CCT6A: variants seen among roughly 807,000 people sequenced by gnomAD.
CCT6A encodes chaperonin containing TCP1 subunit 6A, also known as T-complex protein 1 subunit zeta.
In CCT6A, 6 loss-of-function variants were observed where a neutral mutation model predicts 58.6. The observed-to-expected ratio is 0.10, with a 90% CI of 0.06 to 0.20. The LOEUF is 0.20. Among genes scored for constraint, CCT6A ranks in the 10% least tolerant of loss-of-function variants. The pLI is 1.00. For missense variants in CCT6A, 516 were observed against 648.8 expected, an observed-to-expected ratio of 0.80 and a Z score of 2.22; for synonymous variants, 245 against 227.8, an observed-to-expected ratio of 1.08 and a Z score of -0.68.
At position 56,060,800 on chromosome 7, in the gene CCT6A, C is replaced by T. The variant is rs755863766; in HGVS notation, c.1214-7C>T. 15 of 1,602,394 alleles carry T rather than the reference C, an allele frequency of 9.4e-6. No individual in the cohort carries two copies. Among genetic ancestry groups the T allele is most frequent in the Non-Finnish European group, 1.1e-5 (13 of 1,177,290 alleles). ...CTTAGCATTTTTCCTTTTCCCCCAT[C>T]CAACAGGCTGTGTGGTTCCAGGTGC... is the stretch of plus-strand genomic sequence containing the variant. On this transcript the variant is annotated splice_region_variant and splice_polypyrimidine_tract_variant and intron_variant, in intron 10 of 13. Coordinates refer to ENST00000275603, the MANE Select transcript of CCT6A (RefSeq NM_001762.4).
chr7:56,057,987 A>G lies in CCT6A; in HGVS notation c.615-6A>G. 6.5e-7 allele frequency: 1 copy of G among 1,548,118 alleles called. No homozygotes were observed. The highest frequency in any genetic ancestry group is 1.1e-5 in the South Asian group (1 of 89,674). On this transcript the variant is annotated splice_polypyrimidine_tract_variant and splice_region_variant and intron_variant, in intron 5 of 13. Transcript: ENST00000275603. ...AATAACCATAATTTTGTGTGTGTTTAAACAGCTTAATCAGAGGGCTTGTTT... is the reference window on the plus strand; with the variant it reads ...AATAACCATAATTTTGTGTGTGTTTGAACAGCTTAATCAGAGGGCTTGTTT...
intron 2 of CCT6A, among the ~76,000 whole-genome samples, chr7:56,053,659 C>A (rs1226932409): frequency 2.0e-5 from 3 of 152,076 alleles, no homozygotes; most frequent in Non-Finnish European, 2.9e-5. Context: ...GAGGCTGAGG[C>A]AGGAGAATCG....
At chr7:56,057,061 C>T (rs55863006) in intron 5 of CCT6A, among the ~76,000 whole-genome samples, 27,439 of 152,020 alleles carry the variant, frequency 0.18, 2,789 homozygotes, top group Admixed American at 0.24. Context: ...TCCCAAAGTG[C>T]TGGGATTACA....
chr7:56,052,376 A>G (rs1240990353), intron 1 of CCT6A, 46 bp from the exon 2 acceptor site: 2 of 1,553,394 alleles, frequency 1.3e-6, no homozygotes, highest in Admixed American at 1.7e-5. Context: ...ACTTTTAGTT[A>G]TCGTTGAAAA....
In CCT6A at chr7:56,058,376, G is replaced by C. The variant is rs755602388; in HGVS notation, c.740G>C (p.Gly247Ala). Reference sequence around the variant, plus strand: ...TTTCTTAATAGAGAAGTGAATTCTGGCTTTTTTTACAAGAGTGCAGAAGAG... The same window carrying C: ...TTTCTTAATAGAGAAGTGAATTCTGCCTTTTTTTACAAGAGTGCAGAAGAG... ...LEYEKTEVNSGFFYKSAEERE... is the reference protein window; with the variant it reads ...LEYEKTEVNSAFFYKSAEERE... Residue 247 changes from glycine (G) to alanine (A), a missense_variant, in exon 7 of 14, where the codon GGC becomes GCC. This residue lies in a region of CCT6A where 315 missense variants were observed against 389.4 expected (regional missense o/e 0.81). Coordinates refer to ENST00000275603, the MANE Select transcript of CCT6A (RefSeq NM_001762.4). 15 of 1,571,652 alleles carry C rather than the reference G, an allele frequency of 9.5e-6. No homozygotes were observed. The highest frequency in any genetic ancestry group is 1.3e-5 in the Non-Finnish European group (15 of 1,167,802).
At chr7:56,060,165 T>A in intron 9 of CCT6A, 104 bp from the exon 10 acceptor site, 2 of 967,414 alleles carry the variant, frequency 2.1e-6, no homozygotes, top group Non-Finnish European at 3.2e-6. Flanking sequence ...TGTGATCAAG[T>A]TTGTTCCTTA....
intron 12 of CCT6A, 190 bp from the exon 13 acceptor site, chr7:56,062,492 TA>T: frequency 3.2e-6 from 2 of 627,834 alleles, no homozygotes; most frequent in Non-Finnish European, 5.7e-6. Flanking sequence ...GACTTCTAAG[TA>T]TAAGTCAGAC....
rs199794359 is a variant in CCT6A at position 56,052,788 on chromosome 7, CTTTTCTTTT to C, written c.201+308_201+316del. ...AATGCATGAGGATGATTTTTCTTTT[CTTTTCTTTT>C]TTTTTTTTTTTAATTAGACGAAGTC... On this transcript the variant is annotated intron_variant, in intron 2 of 13. Coordinates refer to ENST00000275603, the MANE Select transcript of CCT6A (RefSeq NM_001762.4). 9.2e-4 allele frequency among the ~76,000 whole-genome samples: 25 copies of C among 27,054 alleles called. 1 individual carries two copies. Among genetic ancestry groups the C allele is most frequent in the Middle Eastern group, 0.015 (1 of 68 alleles). 17.7% of individuals were successfully genotyped at this position (27,054 alleles called of 152,430 possible).
chr7:56,060,919 T>A lies in CCT6A; in HGVS notation c.1326T>A (p.Asp442Glu), dbSNP rs754489297. The A allele has an allele frequency of 1.9e-6, 3 of 1,611,682 alleles. No homozygotes were observed. The highest frequency in any genetic ancestry group is 1.7e-6 in the Non-Finnish European group (2 of 1,179,424). The change falls in exon 11 of 14, where the codon GAT becomes GAA. Residue 442 changes from aspartate (D) to glutamate (E), a missense_variant. By Grantham distance (45) the Asp-to-Glu change is conservative. Transcript: ENST00000275603. ...AGCTTGGAGTCCAAGCATTTGCTGA[T>A]GCATTGCTCATTATTCCCAAGGTGT... ...RAQLGVQAFA[D>E]ALLIIPKVLA...
At chr7:56,059,406 A>T in intron 8 of CCT6A, 138 bp from the exon 9 acceptor site, 1 of 613,106 alleles carries the variant, frequency 1.6e-6, no homozygotes, top group Non-Finnish European at 2.9e-6. Context: ...GTTGATGGCA[A>T]ATGGAAAGGC....
intron 6 of CCT6A, 92 bp downstream of exon 6, chr7:56,058,195 C>T: frequency 1.1e-6 from 1 of 903,858 alleles, no homozygotes; most frequent in Non-Finnish European, 1.8e-6. Context: ...ACTGTAAGGA[C>T]AATAATGCTC....
chr7:56,062,011 T>C (rs367752388), intron 12 of CCT6A, 162 bp downstream of exon 12: 9 of 485,546 alleles, frequency 1.9e-5, no homozygotes, highest in South Asian at 1.0e-4. Flanking sequence ...AAAAATGGAA[T>C]GACTAGGTAT....
Position 56,056,300 on chromosome 7 carries a change from T to C in CCT6A, c.511-11T>C, listed in dbSNP as rs571903443. On this transcript the variant is annotated splice_polypyrimidine_tract_variant and intron_variant, in intron 4 of 13. Transcript: ENST00000275603. ...TGAATTTACTTAACGGTTATGCTCC[T>C]CCAATTGCAGGCTGTAGTGGACTCC... 6.5e-6 allele frequency: 9 copies of C among 1,378,932 alleles called. No homozygotes were observed. In the South Asian group the frequency reaches 9.3e-5, roughly 14 times the overall value. 85.4% of individuals were successfully genotyped at this position (1,378,932 alleles called of 1,614,324 possible). A position where few individuals can be genotyped will look rare whatever the true frequency, so the allele number is the denominator to read the frequency against.
chr7:56,063,285 A>G lies in CCT6A; in HGVS notation c.*200A>G. Reference sequence around the variant, plus strand: ...AAAAATTGCACTGAAGTGTATACACATAAAGCAGGTCTTTTATCCAGTGAA... The same window carrying G: ...AAAAATTGCACTGAAGTGTATACACGTAAAGCAGGTCTTTTATCCAGTGAA... On this transcript the variant is annotated 3_prime_UTR_variant, in exon 14 of 14. Coordinates refer to ENST00000275603, the MANE Select transcript of CCT6A (RefSeq NM_001762.4). 1 of 580,756 alleles carries G rather than the reference A, an allele frequency of 1.7e-6. No homozygotes were observed. The highest frequency in any genetic ancestry group is 3.1e-6 in the Non-Finnish European group (1 of 327,598). The allele number at this position is 580,756 out of a possible 1,614,324, so 36.0% of individuals were successfully genotyped here.
At chr7:56,052,014 G>T in intron 1 of CCT6A, 29 bp downstream of exon 1, 18 of 1,427,132 alleles carry the variant, frequency 1.3e-5, no homozygotes, top group Non-Finnish European at 1.5e-5. Flanking sequence ...GGAGGGCCGG[G>T]CGGGCACCGC....
rs1234085874 is a variant in CCT6A, at chr7:56,058,603, T to G, written c.886-17T>G. On this transcript the variant is annotated splice_polypyrimidine_tract_variant and intron_variant, in intron 7 of 13. Transcript: ENST00000275603. ...TAAGGTGAAAGATGTTGAAATTAAT[T>G]TTTATTTTTGTTACAGGGAATTGAC... 3.1e-6 allele frequency: 5 copies of G among 1,595,986 alleles called. No individual in the cohort carries two copies. The South Asian group carries it at 4.5e-5, about 14-fold the overall frequency.
chr7:56,056,956 C>T (rs1381424113), intron 5 of CCT6A, among the ~76,000 whole-genome samples: 2 of 151,744 alleles, frequency 1.3e-5, no homozygotes, highest in African/African-American at 4.8e-5. Context: ...GCCACCATGC[C>T]CGGATAATTT....
Position 56,063,988 on chromosome 7 carries a change from T to A in CCT6A, c.*903T>A, listed in dbSNP as rs573751715. 1.5e-4 allele frequency: 76 copies of A among 501,724 alleles called. 1 individual carries two copies. In the South Asian group the frequency reaches 1.9e-3, roughly 13 times the overall value. The allele number at this position is 501,724 out of a possible 1,614,324, so 31.1% of individuals were successfully genotyped here. ...GTGCAATAAATGTTAAGTTGAAACCTCCTTTCTGTTCTTGCAATGGTATGA... is the reference window on the plus strand; with the variant it reads ...GTGCAATAAATGTTAAGTTGAAACCACCTTTCTGTTCTTGCAATGGTATGA... On this transcript the variant is annotated 3_prime_UTR_variant, in exon 14 of 14. Transcript: ENST00000275603.
intron 8 of CCT6A, 157 bp downstream of exon 8, chr7:56,058,859 T>C: frequency 2.0e-6 from 1 of 500,758 alleles, no homozygotes; most frequent in South Asian, 3.9e-5. Context: ...TCTAGGACTT[T>C]TTTCATCATC....
Sources: gnomAD v4.1 joint callset for allele counts (sites outside exome capture counted in the v4.1 genomes callset) on GRCh38, gnomAD v4.1.1 for gene constraint, gnomAD v4.1.1 regional missense constraint, MANE v1.5 for transcripts, NCBI Gene and HGNC (gene_info 2026-07-23, HGNC 2026-07-21) for gene names.